Variants in GRM1 observed in about 807,000 individuals in gnomAD.
GRM1 encodes the protein glutamate metabotropic receptor 1, also known as metabotropic glutamate receptor 1.
A neutral mutation model predicts 90.9 loss-of-function variants in GRM1; 33 were observed. The ratio of observed to expected loss-of-function variants is 0.36; its 90% CI spans 0.28 to 0.49. The LOEUF is 0.49. Ranked by LOEUF, GRM1 falls within the 20% of genes least tolerant of loss-of-function variation. The probability of loss-of-function intolerance (pLI) is 0.99; values close to 1 mark genes in which losing one functional copy is unlikely to be tolerated. For missense variants in GRM1, 1,190 were observed against 1,534.3 expected (o/e 0.78, Z 3.75); for synonymous variants, 700 against 613.2 (o/e 1.14, Z -2.09).
intron 2 of GRM1, among the ~76,000 whole-genome samples, chr6:146,206,769 A>G (rs1013082972): frequency 2.6e-5 from 4 of 152,004 alleles, no homozygotes; most frequent in African/African-American, 9.7e-5. Flanking sequence ...ACTTTTGGGT[A>G]CCCAGTTATC....
intron 3 of GRM1, among the ~76,000 whole-genome samples, chr6:146,337,521 T>C (rs1459441653): frequency 6.6e-6 from 1 of 152,188 alleles, no homozygotes; most frequent in Non-Finnish European, 1.5e-5. Context: ...GGGATAGGGA[T>C]ATTAAGCCAG....
At chr6:146,306,284 A>G (rs1783575764) in intron 3 of GRM1, among the ~76,000 whole-genome samples, 1 of 152,156 alleles carries the variant, frequency 6.6e-6, no homozygotes, top group Non-Finnish European at 1.5e-5. Context: ...TAATAGATAA[A>G]CCAAGAATAA....
chr6:146,260,226 C>G (rs1177750168), intron 2 of GRM1, among the ~76,000 whole-genome samples: 3 of 151,872 alleles, frequency 2.0e-5, no homozygotes, highest in Non-Finnish European at 4.4e-5. Context: ...TGTTCAATTC[C>G]CACTTATGAG....
chr6:146,434,720 T>C lies in GRM1; in HGVS notation c.3509T>C (p.Val1170Ala). The change falls in exon 8 of 8, where the codon GTG becomes GCG. Residue 1170 changes from valine to alanine, a missense_variant. Transcript: ENST00000282753. ...SVPSSPVSES[V>A]LCTPPNVSYA... Reference sequence around the variant, plus strand: ...CCCAGCTCCCCCGTGTCCGAGTCGGTGCTCTGCACCCCTCCCAACGTATCC... The same window carrying C: ...CCCAGCTCCCCCGTGTCCGAGTCGGCGCTCTGCACCCCTCCCAACGTATCC... 1.2e-6 allele frequency: 2 copies of C among 1,601,860 alleles called. No individual in the cohort carries two copies. The highest frequency in any genetic ancestry group is 2.2e-5 in the South Asian group (2 of 91,080).
chr6:146,351,785 G>A (rs1466284355), intron 3 of GRM1, among the ~76,000 whole-genome samples: 1 of 151,806 alleles, frequency 6.6e-6, no homozygotes, highest in South Asian at 2.1e-4. Flanking sequence ...AAAAAATAGT[G>A]GAATCACCAA....
chr6:146,327,102 G>A (rs932569614), intron 3 of GRM1, among the ~76,000 whole-genome samples: 6 of 152,070 alleles, frequency 3.9e-5, no homozygotes, highest in South Asian at 2.1e-4. Context: ...GTTTTGATAC[G>A]TTATTAACTA....
At chr6:146,426,902 T>A (rs998715800) in intron 7 of GRM1, among the ~76,000 whole-genome samples, 2 of 152,202 alleles carry the variant, frequency 1.3e-5, no homozygotes, top group Non-Finnish European at 2.9e-5. Flanking sequence ...AGACTCACTT[T>A]TGTTTGTGAC....
intron 3 of GRM1, among the ~76,000 whole-genome samples, chr6:146,345,196 G>T (rs1375513978): frequency 6.6e-6 from 1 of 152,198 alleles, no homozygotes; most frequent in Non-Finnish European, 1.5e-5. Flanking sequence ...AGTCTGTTCA[G>T]AACATGGCAG....
intron 2 of GRM1, among the ~76,000 whole-genome samples, chr6:146,185,374 C>T (rs1778697833): frequency 6.6e-6 from 1 of 152,204 alleles, no homozygotes; most frequent in South Asian, 2.1e-4. Context: ...ACTGTGAAAG[C>T]TGCCTACCTT....
chr6:146,145,997 G>T (rs1191805751), intron 1 of GRM1, among the ~76,000 whole-genome samples: 4 of 149,910 alleles, frequency 2.7e-5, no homozygotes, highest in Non-Finnish European at 5.9e-5. Context: ...TTTAACGTCT[G>T]CTCTCTTGGG....
chr6:146,282,148 CCTGT>C (rs1371126060), intron 2 of GRM1, among the ~76,000 whole-genome samples: 1 of 152,174 alleles, frequency 6.6e-6, no homozygotes, highest in Non-Finnish European at 1.5e-5. Flanking sequence ...CACACTCTTT[CCTGT>C]CTGTCTTTGC....
At chr6:146,342,283 T>A (rs919402103) in intron 3 of GRM1, among the ~76,000 whole-genome samples, 1 of 152,234 alleles carries the variant, frequency 6.6e-6, no homozygotes, top group Non-Finnish European at 1.5e-5. Flanking sequence ...ACATCATTCA[T>A]GTGAAATAAA....
chr6:146,215,366 G>A (rs1779832992), intron 2 of GRM1, among the ~76,000 whole-genome samples: 1 of 151,394 alleles, frequency 6.6e-6, no homozygotes. Context: ...TTTTCTCTCT[G>A]GCCTTTGTCT....
At chr6:146,400,317 G>A (rs962221822) in intron 7 of GRM1, among the ~76,000 whole-genome samples, 7 of 152,048 alleles carry the variant, frequency 4.6e-5, no homozygotes, top group Admixed American at 1.3e-4. Context: ...TAATAAACAT[G>A]TTCCACGATG....
At chr6:146,264,870 T>A (rs562823509) in intron 2 of GRM1, among the ~76,000 whole-genome samples, 92 of 152,338 alleles carry the variant, frequency 6.0e-4, no homozygotes, top group African/African-American at 2.2e-3. Context: ...ATGATTTTAT[T>A]CTTTTTTATG....
intron 2 of GRM1, among the ~76,000 whole-genome samples, chr6:146,232,410 G>T (rs1430071647): frequency 6.6e-6 from 1 of 151,966 alleles, no homozygotes; most frequent in Non-Finnish European, 1.5e-5. Flanking sequence ...TGGGTACATA[G>T]TAGATGCATA....
chr6:146,390,637 T>C (rs996467778), intron 6 of GRM1, among the ~76,000 whole-genome samples: 3 of 152,056 alleles, frequency 2.0e-5, no homozygotes, highest in Non-Finnish European at 4.4e-5. Context: ...TTAACAACTT[T>C]TTTTCCATTC....
At chr6:146,067,349 T>C (rs546298643) in intron 1 of GRM1, among the ~76,000 whole-genome samples, 26 of 152,322 alleles carry the variant, frequency 1.7e-4, no homozygotes, top group African/African-American at 6.3e-4. Flanking sequence ...ATAAACTAAA[T>C]TTATGTTTTA....
chr6:146,183,147 T>G (rs1778608705), intron 2 of GRM1, among the ~76,000 whole-genome samples: 1 of 152,116 alleles, frequency 6.6e-6, no homozygotes, highest in African/African-American at 2.4e-5. Flanking sequence ...TGGCTTACCA[T>G]ATCATCTATC....
Sources: allele counts gnomAD v4.1 joint callset (sites outside exome capture counted in the v4.1 genomes callset), GRCh38; gene constraint gnomAD v4.1.1; transcripts MANE v1.5; gene names NCBI Gene and HGNC (gene_info 2026-07-23, HGNC 2026-07-21).